BICD1: variants seen among roughly 807,000 people sequenced by gnomAD.
The protein encoded by BICD1 is protein bicaudal D homolog 1.
Under a neutral mutation model 92.5 loss-of-function variants are expected in BICD1, and 35 were observed. That is an observed-to-expected ratio of 0.38 (90% CI 0.29 to 0.50). BICD1 has a LOEUF of 0.50. Ranked by LOEUF, BICD1 falls within the 20% of genes least tolerant of loss-of-function variation. The probability of loss-of-function intolerance (pLI) is 0.93; values close to 1 mark genes in which losing one functional copy is unlikely to be tolerated. For synonymous variants in BICD1, 429 were observed against 465.1 expected (o/e 0.92, Z 1.00); for missense variants, 950 against 1,189.8 (o/e 0.80, Z 2.97).
chr12:32,373,310 T>A (rs749720444), intron 9 of BICD1, among the ~76,000 whole-genome samples: 5 of 152,236 alleles, frequency 3.3e-5, no homozygotes, highest in African/African-American at 4.8e-5. Flanking sequence ...AGAAATAGTA[T>A]CTTAACCTGT....
intron 4 of BICD1, among the ~76,000 whole-genome samples, chr12:32,322,962 T>C (rs1381354308): frequency 1.3e-5 from 2 of 152,224 alleles, no homozygotes; most frequent in Admixed American, 6.5e-5. Flanking sequence ...GTTTACACTT[T>C]CCAGTGCAAA....
chr12:32,255,753 A>AG (rs1205724749), intron 2 of BICD1, among the ~76,000 whole-genome samples: 2 of 152,286 alleles, frequency 1.3e-5, no homozygotes, highest in East Asian at 3.9e-4. Flanking sequence ...CTCATCATTC[A>AG]GGTCTCACTT....
chr12:32,267,425 C>T (rs1276901993), intron 2 of BICD1, among the ~76,000 whole-genome samples: 1 of 152,116 alleles, frequency 6.6e-6, no homozygotes, highest in Non-Finnish European at 1.5e-5. Flanking sequence ...TAGTGTGTGG[C>T]AGAGAACAAG....
chr12:32,358,292 G>A (rs1365396012), intron 8 of BICD1, among the ~76,000 whole-genome samples: 1 of 151,860 alleles, frequency 6.6e-6, no homozygotes, highest in Non-Finnish European at 1.5e-5. Flanking sequence ...GTAGAGATGA[G>A]TTTTCACCAT....
chr12:32,326,091 A>AAG, intron 4 of BICD1, among the ~76,000 whole-genome samples: 1 of 151,024 alleles, frequency 6.6e-6, no homozygotes, highest in Middle Eastern at 3.4e-3. Flanking sequence ...AAAAAAAAAA[A>AAG]AAAAAAAAAA....
At chr12:32,290,348 G>A (rs998401604) in intron 2 of BICD1, among the ~76,000 whole-genome samples, 1 of 152,174 alleles carries the variant, frequency 6.6e-6, no homozygotes, top group Admixed American at 6.5e-5. Context: ...ATACAGAATG[G>A]ATAAAAATCT....
rs1947901934 is a variant in BICD1 at position 32,297,317 on chromosome 12, C to T, written c.579+3171C>T. ...CCGCCTCCTGGTCTTGTGACTCGGC[C>T]TCCTGAGTAGCTGGGATTACAGGCG... is the stretch of plus-strand genomic sequence containing the variant. On this transcript the variant is annotated intron_variant, in intron 3 of 9. Transcript: ENST00000652176. Among the ~76,000 whole-genome samples the T allele has an allele frequency of 3.9e-5, 6 of 152,134 alleles. No individual in the cohort carries two copies. In the South Asian group the frequency reaches 1.2e-3, roughly 32 times the overall value.
At chr12:32,307,352 C>T (rs1948256790) in intron 4 of BICD1, among the ~76,000 whole-genome samples, 2 of 152,204 alleles carry the variant, frequency 1.3e-5, no homozygotes, top group Admixed American at 6.5e-5. Context: ...GTGAAGATCC[C>T]AGCCTTGAAA....
chr12:32,283,368 C>T (rs1478407818), intron 2 of BICD1, among the ~76,000 whole-genome samples: 2 of 149,992 alleles, frequency 1.3e-5, no homozygotes, highest in South Asian at 2.1e-4. Context: ...GACCACTCCA[C>T]TCCACTCCAC....
At position 32,216,390 on chromosome 12, in the gene BICD1, C is replaced by G; in HGVS notation, c.357C>G (p.Ser119Arg). The change falls in exon 2 of 10, where the codon AGC becomes AGG. Residue 119 changes from serine (S) to arginine (R), a missense_variant. This residue lies in a region of BICD1 where 202 missense variants were observed against 205.3 expected (regional missense o/e 0.98). Coordinates refer to ENST00000652176, the MANE Select transcript of BICD1 (RefSeq NM_001714.4). ...AGATGCAGAACGAGCTGAAACAGAG[C>G]CGGGCTGTGGTCACTAATGTACAGG... ...ILEMQNELKQ[S>R]RAVVTNVQAE... The G allele has an allele frequency of 6.2e-7, 1 of 1,614,120 alleles. No homozygotes were observed. The highest frequency in any genetic ancestry group is 8.5e-7 in the Non-Finnish European group (1 of 1,180,022).
chr12:32,176,646 T>C (rs1451860085), intron 1 of BICD1, among the ~76,000 whole-genome samples: 8 of 152,236 alleles, frequency 5.3e-5, no homozygotes, highest in Non-Finnish European at 1.0e-4. Flanking sequence ...CAGAATTTCA[T>C]ACAAATCAAA....
chr12:32,376,174 C>G (rs1422779878), intron 9 of BICD1, among the ~76,000 whole-genome samples: 1 of 151,238 alleles, frequency 6.6e-6, no homozygotes, highest in Non-Finnish European at 1.5e-5. Flanking sequence ...ACCTCTGCCT[C>G]CCATGTTCAA....
chr12:32,257,041 C>T (rs1483614315), intron 2 of BICD1, among the ~76,000 whole-genome samples: 3 of 151,804 alleles, frequency 2.0e-5, no homozygotes, highest in East Asian at 1.9e-4. Context: ...GGTGAAACCC[C>T]GTCTCTGCTA....
chr12:32,373,837 G>A (rs1007664601), intron 9 of BICD1, among the ~76,000 whole-genome samples: 10 of 151,410 alleles, frequency 6.6e-5, no homozygotes, highest in African/African-American at 1.2e-4. Flanking sequence ...CCAAGATCGC[G>A]CCAGTGCACT....
chr12:32,374,259 C>T (rs1939846070), intron 9 of BICD1, among the ~76,000 whole-genome samples: 1 of 151,784 alleles, frequency 6.6e-6, no homozygotes, highest in South Asian at 2.1e-4. Context: ...CCATATCTTT[C>T]TTGTGTAATG....
intron 3 of BICD1, among the ~76,000 whole-genome samples, chr12:32,299,210 A>G (rs1018536494): frequency 3.3e-5 from 5 of 152,258 alleles, no homozygotes; most frequent in Non-Finnish European, 7.3e-5. Flanking sequence ...TGAAGTTGCC[A>G]TAAGGAATCC....
At chr12:32,224,031 A>G (rs1945613335) in intron 2 of BICD1, among the ~76,000 whole-genome samples, 1 of 152,256 alleles carries the variant, frequency 6.6e-6, no homozygotes, top group African/African-American at 2.4e-5. Context: ...TGACACAGAC[A>G]CACAAAGTGA....
chr12:32,227,252 TTCA>T (rs1336733899), intron 2 of BICD1, among the ~76,000 whole-genome samples: 2 of 152,216 alleles, frequency 1.3e-5, no homozygotes, highest in Admixed American at 6.5e-5. Context: ...TCTCTCTTCC[TTCA>T]TCACCAGTTG....
At chr12:32,349,630 C>G (rs1938779863) in intron 8 of BICD1, among the ~76,000 whole-genome samples, 1 of 147,982 alleles carries the variant, frequency 6.8e-6, no homozygotes. Flanking sequence ...CTATACCATA[C>G]TTATAACATG....
Sources: allele counts gnomAD v4.1 joint callset (sites outside exome capture counted in the v4.1 genomes callset), GRCh38; gene constraint gnomAD v4.1.1; regional missense constraint gnomAD v4.1.1; transcripts MANE v1.5; gene names NCBI Gene and HGNC (gene_info 2026-07-23, HGNC 2026-07-21).